RIOK2: variants seen among roughly 807,000 people sequenced by gnomAD.
RIOK2 encodes serine/threonine-protein kinase RIO2.
RIOK2 carries 46 observed loss-of-function variants against 62.4 expected under a neutral mutation model. The observed-to-expected ratio is 0.74, with a 90% confidence interval of 0.58 to 0.94. The LOEUF is 0.94. Among genes scored for constraint, RIOK2 ranks in the 40% least tolerant of loss-of-function variants. The probability of loss-of-function intolerance (pLI) is 0.00; values close to 1 mark genes in which losing one functional copy is unlikely to be tolerated. For missense variants in RIOK2, 574 were observed against 658.0 expected, an observed-to-expected ratio of 0.87 and a Z score of 1.40; for synonymous variants, 197 against 216.0, an observed-to-expected ratio of 0.91 and a Z score of 0.77.
rs1748695343 is a variant in RIOK2 at position 97,161,488 on chromosome 5, C to G, written c.*1573G>C. ...CAACATATCCAAAAAAAACTAAATT[C>G]CTTAACAGATCATTTATTAGTAAAT... On this transcript the variant is annotated 3_prime_UTR_variant, in exon 10 of 10. Coordinates refer to ENST00000283109, the MANE Select transcript of RIOK2 (RefSeq NM_018343.3). 6.6e-6 allele frequency: 1 copy of G among 152,118 alleles called. No homozygotes were observed. The highest frequency in any genetic ancestry group is 6.6e-5 in the Admixed American group (1 of 15,266). 9.4% of individuals were successfully genotyped at this position (152,118 alleles called of 1,614,324 possible). A position where few individuals can be genotyped will look rare whatever the true frequency, so the allele number is the denominator to read the frequency against.
intron 9 of RIOK2, among the ~76,000 whole-genome samples, 193 bp from the exon 10 acceptor site, chr5:97,163,418 T>C (rs1444034197): frequency 6.6e-6 from 1 of 152,150 alleles, no homozygotes; most frequent in African/African-American, 2.4e-5. Flanking sequence ...AAAAATATAG[T>C]GTATAGGCAG....
At chr5:97,177,073 T>C in intron 4 of RIOK2, 43 bp downstream of exon 4, 1 of 1,536,248 alleles carries the variant, frequency 6.5e-7, no homozygotes, top group Non-Finnish European at 8.9e-7. Context: ...GACACATGTA[T>C]TATTTGGCTA....
At position 97,167,993 on chromosome 5, in the gene RIOK2, T is replaced by TAACAAAA; in HGVS notation, c.873-3_873-2insTTTTGTT. The TAACAAAA allele has an allele frequency of 6.4e-7, 1 of 1,571,862 alleles. No homozygotes were observed. Among genetic ancestry groups the TAACAAAA allele is most frequent in the Non-Finnish European group, 8.6e-7 (1 of 1,168,558 alleles). On this transcript the variant is annotated splice_polypyrimidine_tract_variant and splice_region_variant and intron_variant, in intron 7 of 9. Transcript: ENST00000283109. ...TCCACATCAAGAGTGTCTTCTCTCCTAGAAAAAAAAGGCGTCAAGCATAGA... is the reference window on the plus strand; with the variant it reads ...TCCACATCAAGAGTGTCTTCTCTCCTAACAAAAAGAAAAAAAAGGCGTCAAGCATAGA...
At chr5:97,169,153 C>T (rs529357269) in intron 6 of RIOK2, among the ~76,000 whole-genome samples, 75 of 152,130 alleles carry the variant, frequency 4.9e-4, no homozygotes, top group African/African-American at 1.8e-3. Flanking sequence ...GAATGTGAAC[C>T]CCAGGAAATA....
chr5:97,164,911 G>A (rs1748804865), intron 9 of RIOK2, 140 bp downstream of exon 9: 3 of 422,292 alleles, frequency 7.1e-6, no homozygotes, highest in Admixed American at 8.3e-5. Context: ...ATCAAAGAAA[G>A]TACTGGTTTC....
Position 97,171,338 on chromosome 5 carries a change from A to G in RIOK2, c.647T>C (p.Ile216Thr), listed in dbSNP as rs147608663. 46 of 1,608,534 alleles carry G rather than the reference A, an allele frequency of 2.9e-5. No individual in the cohort carries two copies. The highest frequency in any genetic ancestry group is 2.0e-4 in the African/African-American group (15 of 74,588). Residue 216 changes from isoleucine (I) to threonine (T), a missense_variant, in exon 6 of 10, where the codon ATT becomes ACT. Coordinates refer to ENST00000283109, the MANE Select transcript of RIOK2 (RefSeq NM_018343.3). ...ASVYDEAMEL[I>T]VKLANHGLIH... The stretch of plus-strand genomic sequence containing the variant: ...CAGCCCATGATTTGCAAGTTTGACA[A>G]TTAGTTCCATAGCTTCATCATATAC...
intron 1 of RIOK2, among the ~76,000 whole-genome samples, chr5:97,180,158 A>ATATGTATATATATGTATATG (rs1749364226): frequency 8.0e-6 from 1 of 125,288 alleles, no homozygotes; most frequent in African/African-American, 3.0e-5. Context: ...ATATATATAT[A>ATATGTATATATATGTATATG]TATGTGCTTT....
Position 97,162,249 on chromosome 5 carries a change from C to T in RIOK2, c.*812G>A, listed in dbSNP as rs1748723665. The T allele has an allele frequency of 6.6e-6, 1 of 152,176 alleles. No homozygotes were observed. Among genetic ancestry groups the T allele is most frequent in the South Asian group, 2.1e-4 (1 of 4,822 alleles). The allele number at this position is 152,176 out of a possible 1,614,324, so 9.4% of individuals were successfully genotyped here. ...CACTTAAGCACTCATCTTTACATCT[C>T]ACTGAATTATAAAGTCCTTGAGGAA... On this transcript the variant is annotated 3_prime_UTR_variant, in exon 10 of 10. Coordinates refer to ENST00000283109, the MANE Select transcript of RIOK2 (RefSeq NM_018343.3).
chr5:97,167,748 G>T lies in RIOK2; in HGVS notation c.1116C>A (p.Asp372Glu), dbSNP rs765760583. The T allele has an allele frequency of 3.7e-6, 6 of 1,613,974 alleles. No individual in the cohort carries two copies. In the African/African-American group the frequency reaches 8.0e-5, roughly 22 times the overall value. Reference sequence around the variant, plus strand: ...AACTGTCTTCCTTTATTTGTTCAGGGTCTCCAGATGATCTGCAATAGCAGC... The same window carrying T: ...AACTGTCTTCCTTTATTTGTTCAGGTTCTCCAGATGATCTGCAATAGCAGC... ...SEGCYCRSSGDPEQIKEDSLS... is the reference protein window; with the variant it reads ...SEGCYCRSSGEPEQIKEDSLS... Residue 372 changes from aspartate (D) to glutamate (E), a missense_variant, in exon 8 of 10, where the codon GAC (aspartate) becomes GAA (glutamate). Transcript: ENST00000283109.
Position 97,161,606 on chromosome 5 carries a change from G to A in RIOK2, c.*1455C>T, listed in dbSNP as rs1030330542. On this transcript the variant is annotated 3_prime_UTR_variant, in exon 10 of 10. Transcript: ENST00000283109. ...TTCCTTGGCCCACAAGAAATCTTAG[G>A]CTATTAAAGGTAAAAATCATGTTTG... 1 of 152,044 alleles carries A rather than the reference G, an allele frequency of 6.6e-6. No individual in the cohort carries two copies. The highest frequency in any genetic ancestry group is 1.5e-5 in the Non-Finnish European group (1 of 67,994). 9.4% of individuals were successfully genotyped at this position (152,044 alleles called of 1,614,324 possible).
rs1748710233 is a variant in RIOK2, at chr5:97,161,893, G to A, written c.*1168C>T. The A allele has an allele frequency of 2.0e-5, 3 of 152,172 alleles. No individual in the cohort carries two copies. Among genetic ancestry groups the A allele is most frequent in the Admixed American group, 2.0e-4 (3 of 15,280 alleles). 9.4% of individuals were successfully genotyped at this position (152,172 alleles called of 1,614,324 possible). A position where few individuals can be genotyped will look rare whatever the true frequency, so the allele number is the denominator to read the frequency against. On this transcript the variant is annotated 3_prime_UTR_variant, in exon 10 of 10. Transcript: ENST00000283109. ...AAGATATATCTAAAATGCAAAGCAA[G>A]GGTATTTAAATATTTGAATGTCAGG...
intron 5 of RIOK2, 78 bp downstream of exon 5, chr5:97,173,096 TA>T (rs1014609707): frequency 8.0e-5 from 82 of 1,021,742 alleles, no homozygotes; most frequent in Non-Finnish European, 9.7e-5. Flanking sequence ...TTTCATTAAC[TA>T]AAAAAAATTT....
In RIOK2 at chr5:97,183,112, G is replaced by A. The variant is rs766400213; in HGVS notation, c.66+14C>T. 2.5e-6 allele frequency: 4 copies of A among 1,613,840 alleles called. No individual in the cohort carries two copies. Among genetic ancestry groups the A allele is most frequent in the East Asian group, 4.5e-5 (2 of 44,878 alleles). On this transcript the variant is annotated intron_variant, in intron 1 of 9. Coordinates refer to ENST00000283109, the MANE Select transcript of RIOK2 (RefSeq NM_018343.3). ...GTTAAGGGGAAGGGAGAACAGGAAC[G>A]GCGGGTTTCTTACCGCGGTCAAGAC...
intron 1 of RIOK2, among the ~76,000 whole-genome samples, chr5:97,181,180 G>A (rs1749398112): frequency 6.6e-6 from 1 of 150,998 alleles, no homozygotes; most frequent in Non-Finnish European, 1.5e-5. Context: ...GCTGAGGCAG[G>A]AGAATCGCTT....
Position 97,177,818 on chromosome 5 carries a change from C to A in RIOK2, c.236G>T (p.Gly79Val), listed in dbSNP as rs368641567. 6.8e-6 allele frequency: 11 copies of A among 1,613,272 alleles called. No homozygotes were observed. Among genetic ancestry groups the A allele is most frequent in the Non-Finnish European group, 9.3e-6 (11 of 1,179,552 alleles). Reference protein sequence around the residue: ...TVQGYRLTNAGYDYLALKTLS... With the variant: ...TVQGYRLTNAVYDYLALKTLS... ...TGTTTTCAAAGCTAGGTAATCATAT[C>A]CTGCATTTGTCAACCGATAGCCCTG... The change falls in exon 3 of 10, where the codon GGA becomes GTA. Residue 79 changes from glycine to valine, a missense_variant. By Grantham distance (109) the Gly-to-Val change is moderately radical. Transcript: ENST00000283109.
At position 97,183,030 on chromosome 5, in the gene RIOK2, A is replaced by G; in HGVS notation, c.66+96T>C. 3 of 1,301,518 alleles carry G rather than the reference A, an allele frequency of 2.3e-6. No individual in the cohort carries two copies. In the South Asian group the frequency reaches 3.5e-5, roughly 15 times the overall value. The allele number at this position is 1,301,518 out of a possible 1,614,324, so 80.6% of individuals were successfully genotyped here. ...CAGCTTCTGCCACGTCCCGGGTCCC[A>G]GAGTGTGCCTGCTCAGATCCCAGAA... is the stretch of plus-strand genomic sequence containing the variant. On this transcript the variant is annotated intron_variant, in intron 1 of 9. Coordinates refer to ENST00000283109, the MANE Select transcript of RIOK2 (RefSeq NM_018343.3).
intron 6 of RIOK2, among the ~76,000 whole-genome samples, chr5:97,170,678 GAAATTC>G (rs1748978500): frequency 6.6e-6 from 1 of 152,148 alleles, no homozygotes; most frequent in Non-Finnish European, 1.5e-5. Context: ...TTACAACAGA[GAAATTC>G]AAATTCTTAT....
chr5:97,166,514 T>C (rs1232406734), intron 8 of RIOK2: 1 of 198,754 alleles, frequency 5.0e-6, no homozygotes, highest in Non-Finnish European at 1.1e-5. Flanking sequence ...ATTGTCATAT[T>C]ACTATTTTGA....
chr5:97,180,725 A>C (rs1561522735), intron 1 of RIOK2, among the ~76,000 whole-genome samples: 2 of 152,094 alleles, frequency 1.3e-5, no homozygotes, highest in Non-Finnish European at 2.9e-5. Flanking sequence ...GCTCAGAGGA[A>C]AGAGCCACCA....
Sources: gnomAD v4.1 joint callset for allele counts (sites outside exome capture counted in the v4.1 genomes callset) on GRCh38, gnomAD v4.1.1 for gene constraint, MANE v1.5 for transcripts, NCBI Gene and HGNC (gene_info 2026-07-23, HGNC 2026-07-21) for gene names.